The following NLRP13 variants were observed in gnomAD, a reference collection of about 807,000 sequenced individuals.
NLRP13 encodes NACHT, LRR and PYD domains-containing protein 13.
Under a neutral mutation model 94.4 loss-of-function variants are expected in NLRP13, and 82 were observed. The ratio of observed to expected loss-of-function variants is 0.87; its 90% CI spans 0.73 to 1.04. The LOEUF is 1.04. NLRP13 is among the 50% of genes least tolerant of loss of function. NLRP13 has a pLI of 0.00. For synonymous variants in NLRP13, 553 were observed against 464.7 expected (o/e 1.19, Z -2.45); for missense variants, 1,426 against 1,230.8 (o/e 1.16, Z -2.37).
At chr19:55,905,707 C>T (rs1223356385) in intron 7 of NLRP13, among the ~76,000 whole-genome samples, 1 of 151,862 alleles carries the variant, frequency 6.6e-6, no homozygotes, top group Non-Finnish European at 1.5e-5. Context: ...GAGGTGTGGG[C>T]TGGATTGCAC....
At chr19:55,895,057 T>G (rs1240791851), downstream of NLRP13, among the ~76,000 whole-genome samples, 2 of 152,080 alleles carry the variant, frequency 1.3e-5, no homozygotes, top group African/African-American at 2.4e-5. Flanking sequence ...CAAAATTACT[T>G]TGTACCAACC....
intron 7 of NLRP13, among the ~76,000 whole-genome samples, chr19:55,906,122 G>C (rs1986338312): frequency 2.0e-5 from 3 of 152,038 alleles, no homozygotes; most frequent in Admixed American, 2.0e-4. Context: ...TGGATCACCT[G>C]AGTTCAGGAG....
Position 55,905,118 on chromosome 19 carries a change from G to C in NLRP13, c.2448-6C>G. 1.2e-6 allele frequency: 2 copies of C among 1,613,406 alleles called. No homozygotes were observed. Among genetic ancestry groups the C allele is most frequent in the Non-Finnish European group, 1.7e-6 (2 of 1,179,748 alleles). ...ACAAGTTGCATTTCTCCAGGCTGTG[G>C]AAGGTGCAGGTGCAAGGTGAGCCTC... is the stretch of plus-strand genomic sequence containing the variant. On this transcript the variant is annotated splice_polypyrimidine_tract_variant and splice_region_variant and intron_variant, in intron 7 of 10. Transcript: ENST00000342929.
At chr19:55,925,181 G>A in intron 1 of NLRP13, 146 bp from the exon 2 acceptor site, 1 of 716,430 alleles carries the variant, frequency 1.4e-6, no homozygotes, top group Non-Finnish European at 2.4e-6. Context: ...AGCTCCATTA[G>A]CCCAACTGAA....
At position 55,913,281 on chromosome 19, in the gene NLRP13, T is replaced by C; in HGVS notation, c.536A>G (p.Lys179Arg). Residue 179 changes from lysine (K) to arginine (R), a missense_variant, in exon 5 of 11, where the codon AAA (lysine) becomes AGA (arginine). By Grantham distance (26) the Lys-to-Arg change is conservative. Coordinates refer to ENST00000342929, the MANE Select transcript of NLRP13 (RefSeq NM_176810.2). Reference protein sequence around the residue: ...EMLEEADHRRKYRENMKAELL... With the variant: ...EMLEEADHRRRYRENMKAELL... ...TTCAGCCTTCATGTTCTCTCTGTATTTTCTTCTGTGGTCTAGAGAGGGCGG... is the reference window on the plus strand; with the variant it reads ...TTCAGCCTTCATGTTCTCTCTGTATCTTCTTCTGTGGTCTAGAGAGGGCGG... The C allele has an allele frequency of 1.2e-6, 2 of 1,613,870 alleles. No homozygotes were observed. Among genetic ancestry groups the C allele is most frequent in the Non-Finnish European group, 1.7e-6 (2 of 1,179,918 alleles).
rs1600265461 is a variant in NLRP13, at chr19:55,908,055, C to T, written c.2283-99G>A. The T allele has an allele frequency of 1.2e-5, 12 of 1,028,034 alleles. No individual in the cohort carries two copies. The East Asian group carries it at 2.9e-4, about 25-fold the overall frequency. 63.7% of individuals were successfully genotyped at this position (1,028,034 alleles called of 1,614,324 possible). A position where few individuals can be genotyped will look rare whatever the true frequency, so the allele number is the denominator to read the frequency against. On this transcript the variant is annotated intron_variant, in intron 6 of 10. Coordinates refer to ENST00000342929, the MANE Select transcript of NLRP13 (RefSeq NM_176810.2). ...CCCTGCCTTCTACTACACTCACTGC[C>T]AAGGTTATACACGGTACACAAGGAA...
At chr19:55,922,756 G>A (rs1018536836) in intron 4 of NLRP13, among the ~76,000 whole-genome samples, 1 of 152,218 alleles carries the variant, frequency 6.6e-6, no homozygotes, top group African/African-American at 2.4e-5. Context: ...CACTGATGCT[G>A]CTACACCCAG....
In NLRP13 at chr19:55,907,760, C is replaced by T. The variant is rs1353805754; in HGVS notation, c.2447+32G>A. On this transcript the variant is annotated intron_variant, in intron 7 of 10. Transcript: ENST00000342929. ...GAAGCTACTGGTGGTCTTGCAACCC[C>T]CCTTGACAGATCTAGGGAGCCAAAG... is the stretch of plus-strand genomic sequence containing the variant. 1.9e-6 allele frequency: 3 copies of T among 1,611,874 alleles called. No individual in the cohort carries two copies. In the Admixed American group the frequency reaches 5.0e-5, roughly 27 times the overall value.
chr19:55,928,946 A>T (rs1987036227), intron 1 of NLRP13, among the ~76,000 whole-genome samples: 1 of 152,202 alleles, frequency 6.6e-6, no homozygotes, highest in East Asian at 1.9e-4. Flanking sequence ...AAGAAAAAAA[A>T]ATCTCATCAA....
intron 5 of NLRP13, 77 bp downstream of exon 5, chr19:55,911,629 G>A: frequency 7.5e-7 from 1 of 1,338,996 alleles, no homozygotes; most frequent in Non-Finnish European, 1.0e-6. Flanking sequence ...ACACATCCCT[G>A]GTTTTGCATG....
rs10426749 is a variant in NLRP13, at chr19:55,925,226, C to T, written c.320-191G>A. ...TGCACTCTGGAAAGTCCACAGCACA[C>T]GCTAAGCACATTCCTGCCTCAGGGC... On this transcript the variant is annotated intron_variant, in intron 1 of 10. Transcript: ENST00000342929. Among the ~76,000 whole-genome samples, 399 of 152,352 alleles carry T rather than the reference C, an allele frequency of 2.6e-3. 4 individuals carry two copies. The highest frequency in any genetic ancestry group is 9.1e-3 in the African/African-American group (380 of 41,588).
At chr19:55,891,835 CTGGGCGTGCAA>C, downstream of NLRP13, 1 of 373,982 alleles carries the variant, frequency 2.7e-6, no homozygotes, top group Non-Finnish European at 4.7e-6. Flanking sequence ...GATTCCAGAC[CTGGGCGTGCAA>C]TGGGCGGCCT....
chr19:55,907,982 C>A, intron 6 of NLRP13, 26 bp from the exon 7 acceptor site: 1 of 1,580,250 alleles, frequency 6.3e-7, no homozygotes, highest in East Asian at 2.3e-5. Context: ...GACATGAAAG[C>A]TGGATTGGGG....
chr19:55,910,292 C>G (rs1004793812), intron 6 of NLRP13, among the ~76,000 whole-genome samples: 3 of 152,216 alleles, frequency 2.0e-5, no homozygotes, highest in African/African-American at 7.2e-5. Flanking sequence ...TCTACTCCTT[C>G]AAATCCAGCT....
chr19:55,924,785 G>T, intron 2 of NLRP13, 127 bp from the exon 3 acceptor site: 1 of 879,016 alleles, frequency 1.1e-6, no homozygotes, highest in East Asian at 2.5e-5. Flanking sequence ...GGAGGAATCA[G>T]TATGCCCAGT....
At chr19:55,908,233 C>T (rs1986410028) in intron 6 of NLRP13, among the ~76,000 whole-genome samples, 1 of 152,156 alleles carries the variant, frequency 6.6e-6, no homozygotes, top group Non-Finnish European at 1.5e-5. Context: ...ATGAAGAGGT[C>T]CTGGGGCCAC....
rs200755273 is a variant in NLRP13 at position 55,932,187 on chromosome 19, A to G, written c.125T>C (p.Met42Thr). The change falls in exon 1 of 11, where the codon ATG becomes ACG. Residue 42 changes from methionine to threonine, a missense_variant. Transcript: ENST00000342929. ...FKLCLEPQQL[M>T]DFWSAPQGHF... is the part of the protein sequence containing the mutation. The stretch of plus-strand genomic sequence containing the variant: ...CCCCTGGGGGGCCGACCAGAAGTCC[A>G]TCAGCTGCTGGGGTTCCAAGCAAAG... 1.7e-4 allele frequency: 282 copies of G among 1,614,092 alleles called. No homozygotes were observed. The highest frequency in any genetic ancestry group is 7.6e-5 in the Non-Finnish European group (90 of 1,179,986).
downstream of NLRP13, chr19:55,892,083 A>G (rs560887190): frequency 9.7e-6 from 12 of 1,230,874 alleles, no homozygotes; most frequent in Admixed American, 8.4e-5. Context: ...TGAGGTCTGT[A>G]TCTCCTCTCT....
At chr19:55,909,992 C>A (rs1600266823) in intron 6 of NLRP13, among the ~76,000 whole-genome samples, 1 of 152,162 alleles carries the variant, frequency 6.6e-6, no homozygotes, top group African/African-American at 2.4e-5. Context: ...CCTTTCTGAG[C>A]CCCCAGTTTT....
Sources: gnomAD v4.1 joint callset for allele counts (sites outside exome capture counted in the v4.1 genomes callset) on GRCh38, gnomAD v4.1.1 for gene constraint, MANE v1.5 for transcripts, NCBI Gene and HGNC (gene_info 2026-07-23, HGNC 2026-07-21) for gene names.